Variants in ZSCAN5A observed in about 807,000 individuals in gnomAD.
ZSCAN5A encodes the protein zinc finger and SCAN domain-containing protein 5A.
Under a neutral mutation model 23.7 loss-of-function variants are expected in ZSCAN5A, and 12 were observed. The observed-to-expected ratio is 0.51, with a 90% confidence interval of 0.32 to 0.82. The LOEUF (loss-of-function observed/expected upper bound fraction) is 0.82, where lower values mean the gene tolerates loss of function less well. Among genes scored for constraint, ZSCAN5A ranks in the 40% least tolerant of loss-of-function variants. The pLI, the probability that ZSCAN5A is intolerant of heterozygous loss-of-function variation, is 0.03. For synonymous variants in ZSCAN5A, 257 were observed against 239.9 expected (o/e 1.07, Z -0.66); for missense variants, 597 against 617.9 (o/e 0.97, Z 0.36).
At chr19:56,308,873 C>T (rs770958289) in intron 2 of ZSCAN5A, among the ~76,000 whole-genome samples, 4 of 152,108 alleles carry the variant, frequency 2.6e-5, no homozygotes, top group South Asian at 4.1e-4. Context: ...ATTAAAGCAC[C>T]GGTCAAACCA....
At chr19:56,355,599 T>C (rs2041696389) in intron 2 of ZSCAN5A, among the ~76,000 whole-genome samples, 1 of 149,050 alleles carries the variant, frequency 6.7e-6, no homozygotes, top group Admixed American at 6.6e-5. Flanking sequence ...AAAACAATTA[T>C]GACTGTAAAA....
At chr19:56,289,269 G>T (rs1047612492) in intron 2 of ZSCAN5A, among the ~76,000 whole-genome samples, 6 of 152,178 alleles carry the variant, frequency 3.9e-5, no homozygotes, top group African/African-American at 1.4e-4. Flanking sequence ...CTCACTAAGT[G>T]TAAGCTATGT....
intron 2 of ZSCAN5A, among the ~76,000 whole-genome samples, chr19:56,302,581 C>CCTCTT (rs1555807487): frequency 0.031 from 1,224 of 39,956 alleles, 52 homozygotes; most frequent in African/African-American, 0.15. Flanking sequence ...TTCTTCCTCC[C>CCTCTT]CCTTTTCTTC....
At chr19:56,324,357 C>G (rs767010788) in intron 2 of ZSCAN5A, among the ~76,000 whole-genome samples, 1 of 151,930 alleles carries the variant, frequency 6.6e-6, no homozygotes, top group Non-Finnish European at 1.5e-5. Flanking sequence ...ATATTTTGTT[C>G]TTCAGTTGGT....
intron 2 of ZSCAN5A, among the ~76,000 whole-genome samples, chr19:56,278,923 A>G (rs950259012): frequency 1.3e-5 from 2 of 152,150 alleles, no homozygotes; most frequent in Non-Finnish European, 2.9e-5. Context: ...CCTCCATCCA[A>G]CTGGATGGTG....
At chr19:56,299,907 A>G (rs1555806795) in intron 2 of ZSCAN5A, 2 of 152,206 alleles carry the variant, frequency 1.3e-5, no homozygotes, top group Non-Finnish European at 1.5e-5. Flanking sequence ...CGTTCTTGCT[A>G]TCACCACTTG....
rs530587928 is a variant in ZSCAN5A at position 56,276,589 on chromosome 19, T to C, written c.-128+36694A>G. Among the ~76,000 whole-genome samples, 200 of 150,300 alleles carry C rather than the reference T, an allele frequency of 1.3e-3. 1 individual carries two copies. The highest frequency in any genetic ancestry group is 4.5e-3 in the African/African-American group (185 of 41,040). Reference sequence around the variant, plus strand: ...CCTCGCTCTGTCGCCCAGGCTGGAGTGTAGTGGTGCGATCTGGGTTCACTG... The same window carrying C: ...CCTCGCTCTGTCGCCCAGGCTGGAGCGTAGTGGTGCGATCTGGGTTCACTG... On this transcript the variant is annotated intron_variant, in intron 2 of 5. Coordinates refer to ENST00000683990, the MANE Select transcript of ZSCAN5A (RefSeq NM_001322064.3).
intron 2 of ZSCAN5A, among the ~76,000 whole-genome samples, chr19:56,278,787 C>G (rs2038455747): frequency 6.6e-6 from 1 of 152,140 alleles, no homozygotes; most frequent in African/African-American, 2.4e-5. Context: ...GCTGTTGGTT[C>G]AAGTCCTAGA....
At chr19:56,288,069 C>G (rs770105521) in intron 2 of ZSCAN5A, among the ~76,000 whole-genome samples, 1 of 152,142 alleles carries the variant, frequency 6.6e-6, no homozygotes, top group Non-Finnish European at 1.5e-5. Context: ...CTGATGGTCA[C>G]GAGGCTGGTG....
At chr19:56,359,763 G>C (rs528425896) in intron 2 of ZSCAN5A, among the ~76,000 whole-genome samples, 1 of 152,294 alleles carries the variant, frequency 6.6e-6, no homozygotes, top group South Asian at 2.1e-4. Flanking sequence ...GGGATGCAAG[G>C]CTGGTTCAAT....
chr19:56,352,250 G>A lies in ZSCAN5A; in HGVS notation c.-358+10985C>T, dbSNP rs532212794. On this transcript the variant is annotated intron_variant, in intron 2 of 6. Coordinates refer to the ZSCAN5A transcript ENST00000587340. The surrounding 1 kb of genome is among the most constrained non-coding windows in gnomAD (Gnocchi z 4.2). ...CCAAGTAGCTGGGACTACAGGCGCC[G>A]ATAGTGTGGTGTTTTAACAAAGCTT... Among the ~76,000 whole-genome samples, 5 of 152,140 alleles carry A rather than the reference G, an allele frequency of 3.3e-5. No homozygotes were observed. In the East Asian group the frequency reaches 7.7e-4, roughly 24 times the overall value.
chr19:56,222,544 C>T (rs1289835682), intron 5 of ZSCAN5A, 47 bp downstream of exon 5: 14 of 1,604,854 alleles, frequency 8.7e-6, no homozygotes, highest in African/African-American at 4.0e-5. Flanking sequence ...GCCCCGCACC[C>T]CAGAAGAGAG....
Position 56,221,588 on chromosome 19 carries a change from G to C in ZSCAN5A, c.1478C>G (p.Ala493Gly). 1 of 1,598,838 alleles carries C rather than the reference G, an allele frequency of 6.3e-7. No individual in the cohort carries two copies. The highest frequency in any genetic ancestry group is 8.5e-7 in the Non-Finnish European group (1 of 1,173,094). The part of the protein sequence containing the change: ...LRRHQKTHPE[A>G]TSQ ...CGGATTATGCAATCACTGAGAAGTA[G>C]CTTCTGGATGTGTTTTCTGGTGGCG... is the stretch of plus-strand genomic sequence containing the variant. The change falls in exon 6 of 6, where the codon GCT becomes GGT. Residue 493 changes from alanine to glycine, a missense_variant. Physicochemically the swap from Ala to Gly is moderately conservative, Grantham distance 60 (BLOSUM62 0). This residue lies in a region of ZSCAN5A where 87 missense variants were observed against 74.4 expected (regional missense o/e 1.17). Transcript: ENST00000683990.
intron 2 of ZSCAN5A, among the ~76,000 whole-genome samples, chr19:56,335,837 C>T (rs1038134363): frequency 7.9e-5 from 12 of 151,466 alleles, no homozygotes; most frequent in African/African-American, 2.4e-4. Flanking sequence ...TTCTCTTTCA[C>T]TTATGAAGCT....
In ZSCAN5A at chr19:56,302,179, A is replaced by G. The variant is rs114636646; in HGVS notation, c.-128+11104T>C. 6,167 of 1,053,290 alleles carry G rather than the reference A, an allele frequency of 5.9e-3. 136 individuals are homozygous for G. In the African/African-American group the frequency reaches 0.065, roughly 11 times the overall value. 65.2% of individuals were successfully genotyped at this position (1,053,290 alleles called of 1,614,324 possible). A position where few individuals can be genotyped will look rare whatever the true frequency, so the allele number is the denominator to read the frequency against. ...AGTGGGGGCACAGAGGAAGCGAAGGAGGGTGCCTCAGAGGTGCCAAGCAGG... is the reference window on the plus strand; with the variant it reads ...AGTGGGGGCACAGAGGAAGCGAAGGGGGGTGCCTCAGAGGTGCCAAGCAGG... On this transcript the variant is annotated intron_variant, in intron 2 of 5. Coordinates refer to ENST00000683990, the MANE Select transcript of ZSCAN5A (RefSeq NM_001322064.3).
At chr19:56,276,230 C>T (rs1217386543) in intron 2 of ZSCAN5A, among the ~76,000 whole-genome samples, 1 of 152,192 alleles carries the variant, frequency 6.6e-6, no homozygotes, top group Non-Finnish European at 1.5e-5. Flanking sequence ...GGTGCACAGA[C>T]CTGCCATGGG....
At chr19:56,343,460 C>G (rs567508298) in intron 2 of ZSCAN5A, 1 of 467,052 alleles carries the variant, frequency 2.1e-6, no homozygotes, top group Non-Finnish European at 4.3e-6. Flanking sequence ...CCTGGGCTAC[C>G]AAGGGCTACC....
At chr19:56,283,868 G>A (rs1205204734) in intron 2 of ZSCAN5A, 1 of 152,180 alleles carries the variant, frequency 6.6e-6, no homozygotes, top group Non-Finnish European at 1.5e-5. Context: ...GGCAATAAAG[G>A]ATCATCTTTT....
At chr19:56,251,559 GTT>G (rs1169752001) in intron 2 of ZSCAN5A, among the ~76,000 whole-genome samples, 12 of 152,144 alleles carry the variant, frequency 7.9e-5, no homozygotes, top group East Asian at 1.9e-4. Context: ...CTAGAAAATA[GTT>G]TTGTGTGTGT....
Sources: allele counts gnomAD v4.1 joint callset (sites outside exome capture counted in the v4.1 genomes callset), GRCh38; gene constraint gnomAD v4.1.1; regional missense constraint gnomAD v4.1.1; non-coding constraint Gnocchi (gnomAD v3.1); transcripts MANE v1.5; gene names NCBI Gene and HGNC (gene_info 2026-07-23, HGNC 2026-07-21).